INSR: variants seen among roughly 807,000 people sequenced by gnomAD.
INSR encodes insulin receptor.
In INSR, 67 loss-of-function variants were observed where a neutral mutation model predicts 142.6. The ratio of observed to expected loss-of-function variants is 0.47; its 90% CI spans 0.39 to 0.58. The LOEUF is 0.58. Among genes scored for constraint, INSR ranks in the 20% least tolerant of loss-of-function variants. The pLI is 0.00. For missense variants in INSR, 1,248 were observed against 1,833.2 expected, an observed-to-expected ratio of 0.68 and a Z score of 5.83; for synonymous variants, 756 against 743.1, an observed-to-expected ratio of 1.02 and a Z score of -0.28.
At chr19:7,191,709 G>A (rs1166468262) in intron 2 of INSR, among the ~76,000 whole-genome samples, 2 of 149,396 alleles carry the variant, frequency 1.3e-5, no homozygotes, top group Non-Finnish European at 2.9e-5. Flanking sequence ...TAAACCAATA[G>A]TCCCAGCTAC....
In INSR at chr19:7,178,678, C is replaced by T. The variant is rs551178223; in HGVS notation, c.975-3947G>A. ...AGGTTGCAGTGAGCTGAGATTGAGC[C>T]ACTGCACTCCAGCCTGGGTGACAGA... is the stretch of plus-strand genomic sequence containing the variant. On this transcript the variant is annotated intron_variant, in intron 3 of 21. Transcript: ENST00000302850. Among the ~76,000 whole-genome samples the T allele has an allele frequency of 2.2e-4, 33 of 152,230 alleles. No individual in the cohort carries two copies. In the South Asian group the frequency reaches 5.2e-3, roughly 24 times the overall value.
intron 2 of INSR, among the ~76,000 whole-genome samples, chr19:7,198,249 A>G (rs10414388): frequency 1.3e-5 from 2 of 151,104 alleles, no homozygotes; most frequent in Non-Finnish European, 3.0e-5. Context: ...GGCGTGCTGC[A>G]GGGGCGCTGG....
intron 2 of INSR, among the ~76,000 whole-genome samples, chr19:7,257,250 A>C (rs1255647838): frequency 6.6e-6 from 1 of 151,464 alleles, no homozygotes; most frequent in Non-Finnish European, 1.5e-5. Flanking sequence ...GGCCTCCCCC[A>C]CCTTATCTTT....
chr19:7,262,762 G>A lies in INSR; in HGVS notation c.652+4583C>T, dbSNP rs546658091. Among the ~76,000 whole-genome samples, 82 of 152,314 alleles carry A rather than the reference G, an allele frequency of 5.4e-4. No individual in the cohort carries two copies. The South Asian group carries it at 0.011, about 20-fold the overall frequency. ...AGCCAGGCACAAAAGGATAAATCCC[G>A]TCTGATTCCACTCACAGGAGGTCCC... On this transcript the variant is annotated intron_variant, in intron 2 of 21. Transcript: ENST00000302850.
chr19:7,138,657 C>T, intron 13 of INSR, among the ~76,000 whole-genome samples: 1 of 152,110 alleles, frequency 6.6e-6, no homozygotes, highest in East Asian at 1.9e-4. Context: ...CAGGCATGAG[C>T]CACCATGCTT....
chr19:7,231,931 C>A (rs995848762), intron 2 of INSR, among the ~76,000 whole-genome samples: 1 of 152,076 alleles, frequency 6.6e-6, no homozygotes, highest in Non-Finnish European at 1.5e-5. Context: ...AAACAATACT[C>A]TTCTTAAGCC....
intron 1 of INSR, among the ~76,000 whole-genome samples, chr19:7,280,119 C>T (rs1328731945): frequency 6.6e-6 from 1 of 150,768 alleles, no homozygotes; most frequent in Admixed American, 6.6e-5. Flanking sequence ...CAAAAATTAG[C>T]CGGGCGTGGT....
At chr19:7,252,653 C>T (rs1186830904) in intron 2 of INSR, among the ~76,000 whole-genome samples, 4 of 152,178 alleles carry the variant, frequency 2.6e-5, no homozygotes, top group Non-Finnish European at 5.9e-5. Context: ...CTTATCAGAC[C>T]TCCGAGTAAA....
intron 17 of INSR, among the ~76,000 whole-genome samples, chr19:7,123,630 G>A (rs1234456047): frequency 1.3e-5 from 2 of 152,050 alleles, no homozygotes; most frequent in African/African-American, 4.8e-5. Context: ...ATGTATAAAG[G>A]GTTTGGAGTC....
At chr19:7,283,157 C>T (rs1436207699) in intron 1 of INSR, among the ~76,000 whole-genome samples, 1 of 152,038 alleles carries the variant, frequency 6.6e-6, no homozygotes, top group Non-Finnish European at 1.5e-5. Context: ...TGCGCCACTG[C>T]ACTCCAGCCT....
At chr19:7,266,769 A>T (rs1296188897) in intron 2 of INSR, among the ~76,000 whole-genome samples, 4 of 152,200 alleles carry the variant, frequency 2.6e-5, no homozygotes, top group African/African-American at 9.7e-5. Flanking sequence ...CACTAGAAGG[A>T]ACAACCCCCA....
intron 1 of INSR, among the ~76,000 whole-genome samples, chr19:7,288,453 C>T (rs1267275278): frequency 6.6e-6 from 1 of 151,826 alleles, no homozygotes; most frequent in East Asian, 1.9e-4. Context: ...GCCTGGGCAA[C>T]ATAGTGAGAC....
At chr19:7,196,322 G>A (rs1220273278) in intron 2 of INSR, among the ~76,000 whole-genome samples, 1 of 151,982 alleles carries the variant, frequency 6.6e-6, no homozygotes, top group Non-Finnish European at 1.5e-5. Flanking sequence ...TAGTTCAGGG[G>A]AAAAAAATGT....
At chr19:7,202,744 G>A (rs551742171) in intron 2 of INSR, among the ~76,000 whole-genome samples, 8 of 152,136 alleles carry the variant, frequency 5.3e-5, no homozygotes, top group South Asian at 2.1e-4. Flanking sequence ...CAGGTGATCC[G>A]CTCGCCTCGG....
chr19:7,220,514 C>T (rs1975580111), intron 2 of INSR, among the ~76,000 whole-genome samples: 5 of 152,110 alleles, frequency 3.3e-5, no homozygotes, highest in African/African-American at 7.2e-5. Flanking sequence ...GTCTCGAACT[C>T]CTGACCTCAG....
intron 13 of INSR, among the ~76,000 whole-genome samples, chr19:7,134,843 T>C (rs1026014737): frequency 1.3e-5 from 2 of 151,738 alleles, no homozygotes; most frequent in South Asian, 2.1e-4. Context: ...AATAAAACAG[T>C]TGGGATCCAC....
chr19:7,178,247 G>C (rs542658002), intron 3 of INSR, among the ~76,000 whole-genome samples: 12 of 134,758 alleles, frequency 8.9e-5, no homozygotes, highest in African/African-American at 5.4e-5. Context: ...GACTTGTGGG[G>C]GGGGGGGTGC....
chr19:7,221,230 C>T (rs1440312647), intron 2 of INSR, among the ~76,000 whole-genome samples: 16 of 151,756 alleles, frequency 1.1e-4, no homozygotes, highest in Admixed American at 7.9e-4. Context: ...AAAAATTAAC[C>T]GGCTGTGGTG....
chr19:7,216,748 G>A lies in INSR; in HGVS notation c.653-32111C>T, dbSNP rs1348408865. On this transcript the variant is annotated intron_variant, in intron 2 of 21. Coordinates refer to ENST00000302850, the MANE Select transcript of INSR (RefSeq NM_000208.4). This position sits in a 1 kb window ranked among gnomAD's most constrained non-coding sequence, Gnocchi z 4.2. ...GGGGGTTTCCAGGCCCAGGTGCTGG[G>A]TTTCTCACCGTATCCATTTCCCATT... Among the ~76,000 whole-genome samples, 1 of 152,156 alleles carries A rather than the reference G, an allele frequency of 6.6e-6. No homozygotes were observed. Among genetic ancestry groups the A allele is most frequent in the Non-Finnish European group, 1.5e-5 (1 of 68,028 alleles).
Sources: allele counts gnomAD v4.1 joint callset (sites outside exome capture counted in the v4.1 genomes callset), GRCh38; gene constraint gnomAD v4.1.1; non-coding constraint Gnocchi (gnomAD v3.1); transcripts MANE v1.5; gene names NCBI Gene and HGNC (gene_info 2026-07-23, HGNC 2026-07-21).